The following FANK1 variants were observed in gnomAD, a reference collection of about 807,000 sequenced individuals.
FANK1 encodes fibronectin type 3 and ankyrin repeat domains protein 1.
In FANK1, 44 loss-of-function variants were observed where a neutral mutation model predicts 45.3. That is an observed-to-expected ratio of 0.97 (90% CI 0.76 to 1.25). FANK1 has a LOEUF of 1.25. Ranked by LOEUF, FANK1 falls within the 50% of genes most tolerant of loss-of-function variation. The probability of loss-of-function intolerance (pLI) is 0.00; values close to 1 mark genes in which losing one functional copy is unlikely to be tolerated. For synonymous variants in FANK1, 149 were observed against 152.5 expected, an observed-to-expected ratio of 0.98 and a Z score of 0.17; for missense variants, 391 against 424.4, an observed-to-expected ratio of 0.92 and a Z score of 0.69.
In FANK1 at chr10:125,923,472, A is replaced by AT. The variant is rs373567113; in HGVS notation, c.13+26824dup. Among the ~76,000 whole-genome samples, 849 of 148,996 alleles carry AT rather than the reference A, an allele frequency of 5.7e-3. 5 individuals are homozygous for AT. The highest frequency in any genetic ancestry group is 0.017 in the African/African-American group (695 of 40,426). On this transcript the variant is annotated intron_variant, in intron 1 of 10. Transcript: ENST00000368693. ...TGAGACCTTGTCTCAAAAAAAAAAA[A>AT]TTTTTTTCATCTATGCTTTAAAGTC...
At chr10:125,897,509 C>G (rs1000237999) in intron 1 of FANK1, among the ~76,000 whole-genome samples, 3 of 152,008 alleles carry the variant, frequency 2.0e-5, no homozygotes, top group African/African-American at 7.2e-5. Flanking sequence ...ACTCTCAAAC[C>G]AAGTCGTCTT....
intron 1 of FANK1, among the ~76,000 whole-genome samples, chr10:125,970,649 C>T (rs1348028184): frequency 6.6e-6 from 1 of 152,156 alleles, no homozygotes; most frequent in Non-Finnish European, 1.5e-5. Flanking sequence ...CCCTTCTCCA[C>T]CAAAAAATAC....
chr10:125,906,465 A>G (rs1945524081), intron 1 of FANK1, among the ~76,000 whole-genome samples: 1 of 147,828 alleles, frequency 6.8e-6, no homozygotes, highest in Middle Eastern at 3.2e-3. Context: ...GCAGTGAGCC[A>G]AGATCACGCT....
chr10:125,945,673 G>A (rs1170558510), intron 1 of FANK1, among the ~76,000 whole-genome samples: 1 of 152,246 alleles, frequency 6.6e-6, no homozygotes, highest in East Asian at 1.9e-4. Flanking sequence ...GAGGCTGGGG[G>A]AGGGGTGCCT....
intron 1 of FANK1, among the ~76,000 whole-genome samples, chr10:125,977,627 T>G (rs1950935718): frequency 6.6e-6 from 1 of 152,158 alleles, no homozygotes; most frequent in Non-Finnish European, 1.5e-5. Flanking sequence ...GGAAGAGATC[T>G]TAGCAGGGGT....
chr10:125,962,891 T>C (rs943723203), intron 1 of FANK1, among the ~76,000 whole-genome samples: 3 of 152,162 alleles, frequency 2.0e-5, no homozygotes, highest in Non-Finnish European at 4.4e-5. Context: ...TCACATAATT[T>C]GCACCCATTT....
chr10:125,918,585 A>AAATATATATAT (rs1554913277), intron 1 of FANK1, among the ~76,000 whole-genome samples: 1 of 70,976 alleles, frequency 1.4e-5, no homozygotes, highest in African/African-American at 7.9e-5. Flanking sequence ...AAAAAAAAAA[A>AAATATATATAT]ATATATATAT....
chr10:125,938,723 C>A (rs1207343423), intron 1 of FANK1, among the ~76,000 whole-genome samples: 1 of 152,020 alleles, frequency 6.6e-6, no homozygotes, highest in Non-Finnish European at 1.5e-5. Context: ...GCAGGAGAAT[C>A]GCTTGAACCT....
chr10:126,004,741 T>C (rs1299310387), intron 6 of FANK1, 143 bp from the exon 7 acceptor site: 2 of 718,424 alleles, frequency 2.8e-6, no homozygotes, highest in Admixed American at 2.4e-5. Context: ...AGTTGATGGA[T>C]ACGTGTACGT....
rs540362779 is a variant in FANK1, at chr10:125,998,278, G to T, written c.539+793G>T. Among the ~76,000 whole-genome samples the T allele has an allele frequency of 2.6e-5, 4 of 152,306 alleles. No individual in the cohort carries two copies. In the East Asian group the frequency reaches 7.7e-4, roughly 29 times the overall value. Reference sequence around the variant, plus strand: ...AGCTGCCAAACACCTTCTGGGGGAGGCCTTGAAGAAAACCCCAACTAACTT... The same window carrying T: ...AGCTGCCAAACACCTTCTGGGGGAGTCCTTGAAGAAAACCCCAACTAACTT... On this transcript the variant is annotated intron_variant, in intron 6 of 10. Transcript: ENST00000368693.
In FANK1 at chr10:125,916,036, AT is replaced by A. The variant is rs79841342; in HGVS notation, c.13+19393del. Among the ~76,000 whole-genome samples, 384 of 147,770 alleles carry A rather than the reference AT, an allele frequency of 2.6e-3. 2 individuals are homozygous for A. Among genetic ancestry groups the A allele is most frequent in the South Asian group, 5.8e-3 (27 of 4,690 alleles). On this transcript the variant is annotated intron_variant, in intron 1 of 10. Transcript: ENST00000368693. ...TGTGTAATATGAGAAAGTAATGAGAATTTTTTTTTTTTCTTTTCAGACGGAG... is the reference window on the plus strand; with the variant it reads ...TGTGTAATATGAGAAAGTAATGAGAATTTTTTTTTTTCTTTTCAGACGGAG...
intron 1 of FANK1, among the ~76,000 whole-genome samples, chr10:125,964,228 C>T (rs906811568): frequency 1.5e-4 from 21 of 136,268 alleles, no homozygotes; most frequent in Non-Finnish European, 2.9e-4. Context: ...AGTCATGCTC[C>T]GTCACCCGGG....
intron 1 of FANK1, among the ~76,000 whole-genome samples, chr10:125,975,614 TTA>T (rs1950807924): frequency 6.6e-6 from 1 of 152,252 alleles, no homozygotes; most frequent in South Asian, 2.1e-4. Flanking sequence ...AAGTGTCTGT[TTA>T]TGTCTTTTGC....
intron 1 of FANK1, among the ~76,000 whole-genome samples, chr10:125,951,057 C>T (rs1949183121): frequency 7.9e-6 from 1 of 125,952 alleles, no homozygotes; most frequent in African/African-American, 3.1e-5. Flanking sequence ...ATCACATGGA[C>T]ACAGGAAGGG....
intron 2 of FANK1, among the ~76,000 whole-genome samples, chr10:125,986,076 A>G (rs2366348): frequency 0.68 from 103,107 of 152,078 alleles, 35,295 homozygotes; most frequent in African/African-American, 0.72. Context: ...TAACTCTGGC[A>G]GGGGAGGAAC....
chr10:125,901,990 A>G (rs555634978), intron 1 of FANK1, among the ~76,000 whole-genome samples: 3 of 152,222 alleles, frequency 2.0e-5, no homozygotes, highest in East Asian at 1.9e-4. Flanking sequence ...GTGGTGTTGC[A>G]CGCCTGTAAT....
At chr10:125,930,589 G>C (rs904236589) in intron 1 of FANK1, among the ~76,000 whole-genome samples, 19 of 150,680 alleles carry the variant, frequency 1.3e-4, no homozygotes, top group Admixed American at 1.2e-3. Context: ...CCTCCGCTTT[G>C]ACCTCCAGAA....
chr10:125,949,441 G>A (rs1949047348), intron 1 of FANK1, among the ~76,000 whole-genome samples: 2 of 152,252 alleles, frequency 1.3e-5, no homozygotes, highest in South Asian at 2.1e-4. Flanking sequence ...CAAAATCAAT[G>A]TACAAAAATC....
intron 1 of FANK1, among the ~76,000 whole-genome samples, chr10:125,953,594 T>C (rs966028361): frequency 2.6e-5 from 4 of 152,208 alleles, no homozygotes; most frequent in Admixed American, 2.6e-4. Context: ...CCCTACAAAG[T>C]GAGCAGCTTG....
Sources: allele counts gnomAD v4.1 joint callset (sites outside exome capture counted in the v4.1 genomes callset), GRCh38; gene constraint gnomAD v4.1.1; transcripts MANE v1.5; gene names NCBI Gene and HGNC (gene_info 2026-07-23, HGNC 2026-07-21).